Variants in TRAF3IP2 observed in about 807,000 individuals in gnomAD.
The protein encoded by TRAF3IP2 is TRAF3 interacting protein 2.
Under a neutral mutation model 57.9 loss-of-function variants are expected in TRAF3IP2, and 35 were observed. That is an observed-to-expected ratio of 0.60 (90% CI 0.46 to 0.80). The LOEUF (loss-of-function observed/expected upper bound fraction) is 0.80. TRAF3IP2 is among the 30% of genes least tolerant of loss of function. The probability of loss-of-function intolerance (pLI) is 0.00; values close to 1 mark genes in which losing one functional copy is unlikely to be tolerated. For synonymous variants in TRAF3IP2, 251 were observed against 268.9 expected, an observed-to-expected ratio of 0.93 and a Z score of 0.65; for missense variants, 556 against 706.4, an observed-to-expected ratio of 0.79 and a Z score of 2.41.
At chr6:111,572,873 T>C (rs1160623075) in intron 5 of TRAF3IP2, 22 bp downstream of exon 5, 1 of 1,591,222 alleles carries the variant, frequency 6.3e-7, no homozygotes, top group East Asian at 2.2e-5. Context: ...TGTTCAGTTA[T>C]CTATTTGGAC....
At chr6:111,574,961 C>T (rs1278272971) in intron 4 of TRAF3IP2, among the ~76,000 whole-genome samples, 3 of 152,314 alleles carry the variant, frequency 2.0e-5, no homozygotes, top group Non-Finnish European at 1.5e-5. Flanking sequence ...GTGGCTCACG[C>T]CTGTAATCCT....
At chr6:111,580,993 G>A (rs904300263) in intron 2 of TRAF3IP2, among the ~76,000 whole-genome samples, 6 of 152,202 alleles carry the variant, frequency 3.9e-5, no homozygotes, top group South Asian at 2.1e-4. Context: ...TACAGCCTAC[G>A]TGCACTTGGA....
intron 7 of TRAF3IP2, 114 bp downstream of exon 7, chr6:111,566,330 C>T: frequency 1.2e-6 from 1 of 853,610 alleles, no homozygotes; most frequent in Non-Finnish European, 1.9e-6. Flanking sequence ...GCCTGGAGCT[C>T]TTCACCCAGC....
At chr6:111,597,397 G>C (rs1049331495) in intron 1 of TRAF3IP2, among the ~76,000 whole-genome samples, 1 of 152,152 alleles carries the variant, frequency 6.6e-6, no homozygotes, top group Non-Finnish European at 1.5e-5. Flanking sequence ...TGAAAAGGGT[G>C]GGGCACGCCT....
At chr6:111,593,563 C>T (rs1796584774) in intron 1 of TRAF3IP2, among the ~76,000 whole-genome samples, 1 of 152,184 alleles carries the variant, frequency 6.6e-6, no homozygotes, top group Admixed American at 6.5e-5. Context: ...ACAGTCTTCT[C>T]CCACTTGGTA....
chr6:111,577,064 A>C (rs1203237813), intron 3 of TRAF3IP2: 1 of 151,032 alleles, frequency 6.6e-6, no homozygotes, highest in African/African-American at 2.4e-5. Context: ...ATTATTTTTT[A>C]TATTTTTATT....
At chr6:111,589,909 T>C (rs1297051702) in intron 2 of TRAF3IP2, among the ~76,000 whole-genome samples, 1 of 152,242 alleles carries the variant, frequency 6.6e-6, no homozygotes, top group African/African-American at 2.4e-5. Flanking sequence ...CTATAATTTA[T>C]TTTAAAGCTG....
At chr6:111,569,523 G>A (rs186219209) in intron 5 of TRAF3IP2, among the ~76,000 whole-genome samples, 4 of 152,148 alleles carry the variant, frequency 2.6e-5, no homozygotes, top group Admixed American at 1.3e-4. Context: ...AGGCTGAGGG[G>A]GGCAGATCAC....
At chr6:111,595,238 GAAAAT>G (rs1227945010) in intron 1 of TRAF3IP2, among the ~76,000 whole-genome samples, 2 of 152,000 alleles carry the variant, frequency 1.3e-5, no homozygotes, top group African/African-American at 4.8e-5. Flanking sequence ...TGTCTCAAAA[GAAAAT>G]AAAATAAACT....
chr6:111,567,208 G>A (rs750197625), intron 6 of TRAF3IP2: 26 of 1,002,720 alleles, frequency 2.6e-5, no homozygotes, highest in Non-Finnish European at 3.1e-5. Context: ...GGGGCTGCAC[G>A]TGGGCACCTC....
At position 111,558,689 on chromosome 6, in the gene TRAF3IP2, C is replaced by G. The variant is rs1795326906; in HGVS notation, c.*716G>C. 6.6e-6 allele frequency: 1 copy of G among 152,220 alleles called. No homozygotes were observed. The highest frequency in any genetic ancestry group is 1.9e-4 in the East Asian group (1 of 5,190). The allele number at this position is 152,220 out of a possible 1,614,324, so 9.4% of individuals were successfully genotyped here. The stretch of plus-strand genomic sequence containing the variant: ...ACCTCAAATGATCTGCCTGCCTTAG[C>G]TTCCCAAAGTGCTGGGATTACAGGT... On this transcript the variant is annotated 3_prime_UTR_variant, in exon 9 of 9. Coordinates refer to ENST00000368761, the MANE Select transcript of TRAF3IP2 (RefSeq NM_147686.4).
At chr6:111,564,524 T>A (rs1795558972) in intron 7 of TRAF3IP2, among the ~76,000 whole-genome samples, 1 of 152,346 alleles carries the variant, frequency 6.6e-6, no homozygotes, top group Middle Eastern at 3.4e-3. Context: ...ATTCACTGTA[T>A]GATGCAGTTA....
chr6:111,593,696 T>A (rs943252107), intron 1 of TRAF3IP2, among the ~76,000 whole-genome samples: 5 of 152,166 alleles, frequency 3.3e-5, no homozygotes, highest in African/African-American at 1.2e-4. Flanking sequence ...CCTGTCCTTG[T>A]CCTTTTCAGG....
Position 111,580,278 on chromosome 6 carries a change from A to G in TRAF3IP2, c.941T>C (p.Ile314Thr). The change falls in exon 3 of 9, where the codon ATC becomes ACC. Residue 314 changes from isoleucine to threonine, a missense_variant. Coordinates refer to ENST00000368761, the MANE Select transcript of TRAF3IP2 (RefSeq NM_147686.4). ...VRGLHPVQKV[I>T]LNYPSPWDHE... ...GTCCCAGGGGCTGGGATAATTCAGG[A>G]TAACCTTCTGCACAGGGTGCAGGCC... The G allele has an allele frequency of 6.2e-7, 1 of 1,613,036 alleles. No homozygotes were observed. The highest frequency in any genetic ancestry group is 8.5e-7 in the Non-Finnish European group (1 of 1,179,086).
Position 111,591,637 on chromosome 6 carries a change from A to C in TRAF3IP2, c.450T>G (p.Pro150=). 6.2e-7 allele frequency: 1 copy of C among 1,614,268 alleles called. No homozygotes were observed. Among genetic ancestry groups the C allele is most frequent in the South Asian group, 1.1e-5 (1 of 91,090 alleles). The change falls in exon 2 of 9, where the codon CCT becomes CCG. Residue 150 remains proline, a synonymous_variant. Transcript: ENST00000368761. This position sits in a 1 kb window ranked among gnomAD's most constrained non-coding sequence, Gnocchi z 4.9. ...WLVSQLSAAS[P]DTGHDSDKSD... ...ATTTGTCTGAGTCATGGCCAGTGTC[A>C]GGAGAAGCCGCTGAAAGCTGAGATA...
intron 1 of TRAF3IP2, chr6:111,598,034 A>G (rs1415174951): frequency 7.7e-6 from 3 of 387,524 alleles, no homozygotes; most frequent in Non-Finnish European, 1.5e-5. Flanking sequence ...GCCCTGGGTC[A>G]TCTCAGGCTC....
intron 4 of TRAF3IP2, among the ~76,000 whole-genome samples, chr6:111,574,411 G>A (rs568479540): frequency 3.4e-4 from 52 of 152,300 alleles, no homozygotes; most frequent in African/African-American, 1.1e-3. Flanking sequence ...TAAGATTTCT[G>A]GAAATTACTG....
intron 1 of TRAF3IP2, among the ~76,000 whole-genome samples, chr6:111,595,157 G>C (rs1270266201): frequency 6.6e-6 from 1 of 152,172 alleles, no homozygotes. Flanking sequence ...GATTAAGCCT[G>C]GGAGGCGGAG....
chr6:111,598,013 A>C (rs933526480), intron 1 of TRAF3IP2: 9 of 417,974 alleles, frequency 2.2e-5, no homozygotes, highest in African/African-American at 1.9e-4. Context: ...GGGAGCCCCC[A>C]TGCTGGCAGT....
Sources: allele counts gnomAD v4.1 joint callset (sites outside exome capture counted in the v4.1 genomes callset), GRCh38; gene constraint gnomAD v4.1.1; non-coding constraint Gnocchi (gnomAD v3.1); transcripts MANE v1.5; gene names NCBI Gene and HGNC (gene_info 2026-07-23, HGNC 2026-07-21).